Variants in ANKS1B observed in about 807,000 individuals in gnomAD.
ANKS1B encodes ankyrin repeat and sterile alpha motif domain containing 1B.
Under a neutral mutation model 148.3 loss-of-function variants are expected in ANKS1B, and 36 were observed. The observed-to-expected ratio is 0.24, with a 90% CI of 0.19 to 0.32. The LOEUF (loss-of-function observed/expected upper bound fraction) is 0.32. ANKS1B is among the 10% of genes least tolerant of loss of function. ANKS1B has a pLI of 1.00. For missense variants in ANKS1B, 1,157 were observed against 1,542.6 expected, an observed-to-expected ratio of 0.75 and a Z score of 4.19; for synonymous variants, 542 against 560.8, an observed-to-expected ratio of 0.97 and a Z score of 0.47.
chr12:99,938,325 A>G (rs1488729), intron 1 of ANKS1B, among the ~76,000 whole-genome samples: 95,374 of 151,936 alleles, frequency 0.63, 31,494 homozygotes, highest in African/African-American at 0.77. Context: ...AACAGCTGAA[A>G]TGAGCTTGAA....
At chr12:98,894,273 T>C (rs570288796) in intron 17 of ANKS1B, among the ~76,000 whole-genome samples, 7 of 152,166 alleles carry the variant, frequency 4.6e-5, no homozygotes, top group African/African-American at 1.7e-4. Flanking sequence ...CAAACGACCT[T>C]TGGAAAATAT....
Position 99,369,122 on chromosome 12 carries a change from C to T in ANKS1B, c.1756+30509G>A, listed in dbSNP as rs150811692. On this transcript the variant is annotated intron_variant, in intron 12 of 26. Transcript: ENST00000683438. ...TTGCAATGAAGTGATCTAGTAGTAA[C>T]CACCCTAAAAGTGATAAAATTTAGC... is the stretch of plus-strand genomic sequence containing the variant. 1.8e-3 allele frequency among the ~76,000 whole-genome samples: 271 copies of T among 152,180 alleles called. 2 individuals are homozygous for T. Among genetic ancestry groups the T allele is most frequent in the African/African-American group, 6.1e-3 (252 of 41,524 alleles).
intron 1 of ANKS1B, among the ~76,000 whole-genome samples, chr12:99,868,004 C>A (rs1163887337): frequency 6.6e-6 from 1 of 152,048 alleles, no homozygotes. Context: ...AATGTAATAT[C>A]ATTTACTACA....
chr12:98,980,144 C>T (rs2099907103), intron 17 of ANKS1B, among the ~76,000 whole-genome samples: 2 of 151,810 alleles, frequency 1.3e-5, no homozygotes, highest in Admixed American at 1.3e-4. Context: ...TAAAAAATAT[C>T]CTCAATTTCT....
At chr12:99,750,656 T>A (rs2061022936) in intron 8 of ANKS1B, among the ~76,000 whole-genome samples, 1 of 152,044 alleles carries the variant, frequency 6.6e-6, no homozygotes, top group Non-Finnish European at 1.5e-5. Context: ...GTGGAAATGA[T>A]GTCTACTGTT....
chr12:99,449,652 C>G (rs1679797049), intron 10 of ANKS1B, among the ~76,000 whole-genome samples: 1 of 151,938 alleles, frequency 6.6e-6, no homozygotes, highest in African/African-American at 2.4e-5. Flanking sequence ...AAAAGAAACA[C>G]CATCAGAATT....
At chr12:99,782,849 G>T (rs769136577) in intron 4 of ANKS1B, among the ~76,000 whole-genome samples, 1 of 152,016 alleles carries the variant, frequency 6.6e-6, no homozygotes, top group Non-Finnish European at 1.5e-5. Context: ...CTTCCAATAG[G>T]GTTACCTCCT....
intron 11 of ANKS1B, among the ~76,000 whole-genome samples, chr12:99,419,463 T>G (rs911510870): frequency 6.6e-6 from 1 of 152,210 alleles, no homozygotes; most frequent in Non-Finnish European, 1.5e-5. Context: ...ATTTTATTCC[T>G]GATATAGGTA....
chr12:99,901,154 C>A (rs964184969), intron 1 of ANKS1B, among the ~76,000 whole-genome samples: 2 of 152,042 alleles, frequency 1.3e-5, no homozygotes, highest in African/African-American at 4.8e-5. Flanking sequence ...AACTTTTAAC[C>A]CTAGTTTATA....
At chr12:99,525,888 G>C (rs1472551) in intron 9 of ANKS1B, among the ~76,000 whole-genome samples, 3,427 of 151,724 alleles carry the variant, frequency 0.023, 135 homozygotes, top group African/African-American at 0.08. Flanking sequence ...TAAAGATCAA[G>C]AGACAAAAAA....
At chr12:99,264,205 T>G (rs930111009) in intron 12 of ANKS1B, among the ~76,000 whole-genome samples, 1 of 152,170 alleles carries the variant, frequency 6.6e-6, no homozygotes, top group Non-Finnish European at 1.5e-5. Flanking sequence ...TAGGCATTCT[T>G]TAGCTCATAA....
chr12:98,957,261 C>T (rs1334479732), intron 17 of ANKS1B, among the ~76,000 whole-genome samples: 1 of 151,816 alleles, frequency 6.6e-6, no homozygotes, highest in Non-Finnish European at 1.5e-5. Context: ...AGTGAGTGAA[C>T]CCAATTGCAT....
At chr12:98,999,356 T>C (rs1465330261) in intron 17 of ANKS1B, among the ~76,000 whole-genome samples, 1 of 152,208 alleles carries the variant, frequency 6.6e-6, no homozygotes, top group Non-Finnish European at 1.5e-5. Context: ...TAATCAATTT[T>C]GTTTTTGGAG....
At chr12:98,905,423 G>A (rs1295661761) in intron 17 of ANKS1B, among the ~76,000 whole-genome samples, 1 of 152,058 alleles carries the variant, frequency 6.6e-6, no homozygotes, top group African/African-American at 2.4e-5. Flanking sequence ...AAGGAATGAG[G>A]GTCCCTAGAG....
At chr12:99,611,019 T>C (rs920044504) in intron 9 of ANKS1B, among the ~76,000 whole-genome samples, 4 of 152,088 alleles carry the variant, frequency 2.6e-5, no homozygotes, top group Non-Finnish European at 4.4e-5. Context: ...GTTTAGGAAA[T>C]TCTCCCTGTT....
At chr12:99,555,744 T>C (rs2097269447) in intron 9 of ANKS1B, among the ~76,000 whole-genome samples, 1 of 152,216 alleles carries the variant, frequency 6.6e-6, no homozygotes, top group Admixed American at 6.5e-5. Flanking sequence ...TCATATTTAT[T>C]TGCGTATGTT....
chr12:99,605,357 C>A (rs1480433486), intron 9 of ANKS1B, among the ~76,000 whole-genome samples: 1 of 151,942 alleles, frequency 6.6e-6, no homozygotes, highest in Non-Finnish European at 1.5e-5. Flanking sequence ...TCTCTTCTAG[C>A]TATTTTCAAA....
chr12:99,543,727 A>T lies in ANKS1B; in HGVS notation c.1273-39086T>A, dbSNP rs558367519. Among the ~76,000 whole-genome samples, 10 of 152,248 alleles carry T rather than the reference A, an allele frequency of 6.6e-5. No individual in the cohort carries two copies. The South Asian group carries it at 2.1e-3, about 32-fold the overall frequency. ...AACATAAATAAACTTTAAAAACATT[A>T]TGCTAAGTGAGAAAAAAACAGATAG... On this transcript the variant is annotated intron_variant, in intron 9 of 26. Coordinates refer to ENST00000683438, the MANE Select transcript of ANKS1B (RefSeq NM_001352186.2).
intron 12 of ANKS1B, among the ~76,000 whole-genome samples, chr12:99,349,498 C>T (rs2091150058): frequency 1.3e-5 from 2 of 151,558 alleles, no homozygotes; most frequent in African/African-American, 2.4e-5. Context: ...ATATTTCATG[C>T]AAAGAGTAAA....
Sources: allele counts gnomAD v4.1 joint callset (sites outside exome capture counted in the v4.1 genomes callset), GRCh38; gene constraint gnomAD v4.1.1; transcripts MANE v1.5; gene names NCBI Gene and HGNC (gene_info 2026-07-23, HGNC 2026-07-21).